CHGB: variants seen among roughly 807,000 people sequenced by gnomAD.
The protein encoded by CHGB is chromogranin B.
CHGB carries 46 observed loss-of-function variants against 69.9 expected under a neutral mutation model. That is an observed-to-expected ratio of 0.66 (90% confidence interval 0.52 to 0.84). The LOEUF is 0.84. Among genes scored for constraint, CHGB ranks in the 40% least tolerant of loss-of-function variants. The pLI, the probability that CHGB is intolerant of heterozygous loss-of-function variation, is 0.00. For missense variants in CHGB, 796 were observed against 822.2 expected, an observed-to-expected ratio of 0.97 and a Z score of 0.39; for synonymous variants, 312 against 298.2, an observed-to-expected ratio of 1.05 and a Z score of -0.48.
rs1224058993 is a variant in CHGB at position 5,911,531 on chromosome 20, A to C, written c.-103A>C. On this transcript the variant is annotated 5_prime_UTR_variant, in exon 1 of 5. Transcript: ENST00000378961. Reference sequence around the variant, plus strand: ...CGCCACACCGCGGGGACCAGGAGGCACGCTGGTTTTCCGGGGCCGCTCCAT... The same window carrying C: ...CGCCACACCGCGGGGACCAGGAGGCCCGCTGGTTTTCCGGGGCCGCTCCAT... 1.6e-6 allele frequency: 2 copies of C among 1,255,274 alleles called. No individual in the cohort carries two copies. Among genetic ancestry groups the C allele is most frequent in the African/African-American group, 3.1e-5 (2 of 64,048 alleles). 77.8% of individuals were successfully genotyped at this position (1,255,274 alleles called of 1,614,324 possible). A position where few individuals can be genotyped will look rare whatever the true frequency, so the allele number is the denominator to read the frequency against.
At chr20:5,914,102 C>T (rs1041476705) in intron 1 of CHGB, among the ~76,000 whole-genome samples, 1 of 151,946 alleles carries the variant, frequency 6.6e-6, no homozygotes, top group African/African-American at 2.4e-5. Context: ...ACTTTTAACA[C>T]GAGCAGTAGG....
intron 1 of CHGB, among the ~76,000 whole-genome samples, chr20:5,912,206 TC>T (rs1744056587): frequency 2.0e-5 from 3 of 152,334 alleles, no homozygotes; most frequent in Middle Eastern, 3.4e-3. Flanking sequence ...ATATCCCTTT[TC>T]TTAACATGTC....
At chr20:5,918,539 G>A (rs1460285398) in intron 3 of CHGB, among the ~76,000 whole-genome samples, 4 of 151,782 alleles carry the variant, frequency 2.6e-5, no homozygotes, top group East Asian at 1.9e-4. Context: ...GAGGCCAGGC[G>A]CAGTGGCTCA....
chr20:5,918,163 A>AACAAACAAACAAAC (rs1399922235), intron 3 of CHGB, among the ~76,000 whole-genome samples: 2,421 of 147,722 alleles, frequency 0.016, 93 homozygotes, highest in African/African-American at 0.06. Context: ...AAAAAAAAAA[A>AACAAACAAACAAAC]AAAAAAAACT....
At position 5,924,081 on chromosome 20, in the gene CHGB, C is replaced by T; in HGVS notation, c.1937C>T (p.Thr646Ile). 6.2e-7 allele frequency: 1 copy of T among 1,610,210 alleles called. No individual in the cohort carries two copies. The highest frequency in any genetic ancestry group is 8.5e-7 in the Non-Finnish European group (1 of 1,177,958). ...AATGAAAAGGACAGGGCTGACCAGA[C>T]AGTCCTGACAGAGGACGAGGTATGG... ...AENEKDRADQ[T>I]VLTEDEKKEL... Residue 646 changes from threonine (T) to isoleucine (I), a missense_variant, in exon 4 of 5, where the codon ACA (threonine) becomes ATA (isoleucine). Physicochemically the swap from Thr to Ile is moderately conservative, Grantham distance 89. Coordinates refer to ENST00000378961, the MANE Select transcript of CHGB (RefSeq NM_001819.3).
At chr20:5,920,985 A>G (rs2088510540) in intron 3 of CHGB, among the ~76,000 whole-genome samples, 1 of 152,256 alleles carries the variant, frequency 6.6e-6, no homozygotes, top group African/African-American at 2.4e-5. Context: ...TTTCAAAATA[A>G]CTTATCAGTG....
chr20:5,918,575 G>T (rs2088492986), intron 3 of CHGB, among the ~76,000 whole-genome samples: 1 of 151,854 alleles, frequency 6.6e-6, no homozygotes, highest in African/African-American at 2.4e-5. Flanking sequence ...CACTTTGGGA[G>T]GCTGAGGCGG....
intron 1 of CHGB, among the ~76,000 whole-genome samples, chr20:5,914,393 C>T (rs1450805476): frequency 6.6e-6 from 1 of 152,018 alleles, no homozygotes; most frequent in African/African-American, 2.4e-5. Flanking sequence ...TAAATACAAA[C>T]CTAAGCTACA....
chr20:5,918,879 T>TCAGGTAA (rs2088496197), intron 3 of CHGB, among the ~76,000 whole-genome samples: 1 of 143,926 alleles, frequency 6.9e-6, no homozygotes, highest in Non-Finnish European at 1.5e-5. Context: ...TTTGGGGGCT[T>TCAGGTAA]CAGGTAACAA....
chr20:5,923,070 A>G lies in CHGB; in HGVS notation c.926A>G (p.Glu309Gly), dbSNP rs1367767952. The G allele has an allele frequency of 6.8e-6, 11 of 1,613,976 alleles. No individual in the cohort carries two copies. The highest frequency in any genetic ancestry group is 8.5e-6 in the Non-Finnish European group (10 of 1,180,014). ...LPSEEKGHPQ[E>G]ESEESNVSMA... Reference sequence around the variant, plus strand: ...TCTGAGGAAAAGGGACACCCCCAGGAGGAATCTGAGGAGTCAAACGTCAGC... The same window carrying G: ...TCTGAGGAAAAGGGACACCCCCAGGGGGAATCTGAGGAGTCAAACGTCAGC... Residue 309 changes from glutamate (E) to glycine (G), a missense_variant, in exon 4 of 5, where the codon GAG (glutamate) becomes GGG (glycine). Physicochemically the swap from Glu to Gly is moderately conservative, Grantham distance 98. Transcript: ENST00000378961.
In CHGB at chr20:5,922,758, C is replaced by T. The variant is rs199944989; in HGVS notation, c.614C>T (p.Ala205Val). The T allele has an allele frequency of 1.1e-5, 18 of 1,614,082 alleles. No individual in the cohort carries two copies. The highest frequency in any genetic ancestry group is 1.4e-5 in the Non-Finnish European group (16 of 1,180,018). Residue 205 changes from alanine (A) to valine (V), a missense_variant, in exon 4 of 5, where the codon GCT becomes GTT. By Grantham distance (64) the Ala-to-Val change is moderately conservative. Coordinates refer to ENST00000378961, the MANE Select transcript of CHGB (RefSeq NM_001819.3). ...QNAFLNERKQ[A>V]SAIKKEELVA... ...GCTTTTCTCAATGAAAGAAAGCAGG[C>T]TTCAGCTATAAAAAAAGAGGAGTTA...
At chr20:5,917,002 C>A (rs990266281) in intron 3 of CHGB, 83 bp downstream of exon 3, 1 of 1,252,150 alleles carries the variant, frequency 8.0e-7, no homozygotes, top group African/African-American at 1.5e-5. Context: ...TCTACTTTAT[C>A]TACAAATGAC....
intron 3 of CHGB, among the ~76,000 whole-genome samples, chr20:5,920,235 T>G (rs1289783282): frequency 6.6e-6 from 1 of 152,210 alleles, no homozygotes; most frequent in African/African-American, 2.4e-5. Flanking sequence ...TTCCTGACAC[T>G]TAAGACTCAC....
chr20:5,916,974 A>G, intron 3 of CHGB, 55 bp downstream of exon 3: 1 of 1,468,444 alleles, frequency 6.8e-7, no homozygotes, highest in South Asian at 1.1e-5. Context: ...CCTTGTTCCT[A>G]CTCCCTCCAC....
rs775934834 is a variant in CHGB, at chr20:5,916,388, A to G, written c.96+16A>G. 6.2e-6 allele frequency: 10 copies of G among 1,603,982 alleles called. No homozygotes were observed. Among genetic ancestry groups the G allele is most frequent in the Non-Finnish European group, 8.5e-6 (10 of 1,171,168 alleles). On this transcript the variant is annotated intron_variant, in intron 2 of 4. Transcript: ENST00000378961. ...TGAAGGAATGGTAAGTTGCAATGTCAATCTTAGAATCTAGACTTGTGTCTA... is the reference window on the plus strand; with the variant it reads ...TGAAGGAATGGTAAGTTGCAATGTCGATCTTAGAATCTAGACTTGTGTCTA...
In CHGB at chr20:5,922,777, G is replaced by A. The variant is rs764258934; in HGVS notation, c.633G>A (p.Glu211=). The A allele has an allele frequency of 3.7e-6, 6 of 1,614,180 alleles. No individual in the cohort carries two copies. The African/African-American group carries it at 6.7e-5, about 18-fold the overall frequency. ...AGCAGGCTTCAGCTATAAAAAAAGA[G>A]GAGTTAGTGGCCAGATCGGAAACAC... The part of the protein sequence containing the change: ...ERKQASAIKK[E]ELVARSETHA... Residue 211 remains glutamate (E), a synonymous_variant, in exon 4 of 5, where the codon GAG becomes GAA. Transcript: ENST00000378961.
intron 1 of CHGB, among the ~76,000 whole-genome samples, chr20:5,915,250 A>C (rs2088468768): frequency 6.6e-6 from 1 of 152,256 alleles, no homozygotes; most frequent in Non-Finnish European, 1.5e-5. Flanking sequence ...CTGAAAAATT[A>C]AAATTACCTG....
chr20:5,912,132 CTTA>C (rs2088450408), intron 1 of CHGB, among the ~76,000 whole-genome samples: 1 of 151,968 alleles, frequency 6.6e-6, no homozygotes, highest in Non-Finnish European at 1.5e-5. Context: ...CATAATTTCC[CTTA>C]TTATTGTTAT....
chr20:5,924,775 A>G (rs944917027), intron 4 of CHGB, among the ~76,000 whole-genome samples, 197 bp from the exon 5 acceptor site: 1 of 152,080 alleles, frequency 6.6e-6, no homozygotes, highest in Admixed American at 6.5e-5. Flanking sequence ...CCCAAGTGAG[A>G]CCCCAATATC....
Sources: gnomAD v4.1 joint callset for allele counts (sites outside exome capture counted in the v4.1 genomes callset) on GRCh38, gnomAD v4.1.1 for gene constraint, MANE v1.5 for transcripts, NCBI Gene and HGNC (gene_info 2026-07-23, HGNC 2026-07-21) for gene names.